SYNE1: variants seen among roughly 807,000 people sequenced by gnomAD.
SYNE1 encodes the protein nesprin-1.
SYNE1 carries 616 observed loss-of-function variants against 1,111.0 expected under a neutral mutation model. That is an observed-to-expected ratio of 0.55 (90% confidence interval 0.52 to 0.59). The LOEUF (loss-of-function observed/expected upper bound fraction) is 0.59, where lower values mean the gene tolerates loss of function less well. Ranked by LOEUF, SYNE1 falls within the 20% of genes least tolerant of loss-of-function variation. The pLI, the probability that SYNE1 is intolerant of heterozygous loss-of-function variation, is 0.00. For synonymous variants in SYNE1, 3,855 were observed against 3,825.8 expected (o/e 1.01, Z -0.28); for missense variants, 10,006 against 10,417.0 (o/e 0.96, Z 1.72).
At chr6:152,380,666 ACT>A (rs892960028) in intron 56 of SYNE1, 3 of 325,030 alleles carry the variant, frequency 9.2e-6, no homozygotes, top group East Asian at 8.3e-5. Flanking sequence ...AACAGCTATG[ACT>A]CTCTGTCTAT....
At chr6:152,246,169 C>G (rs2153577916) in intron 105 of SYNE1, among the ~76,000 whole-genome samples, 1 of 152,190 alleles carries the variant, frequency 6.6e-6, no homozygotes, top group African/African-American at 2.4e-5. Context: ...CATGTTCCAT[C>G]CACACACAGA....
In SYNE1 at chr6:152,419,679, C is replaced by G; in HGVS notation, c.5311G>C (p.Asp1771His). The G allele has an allele frequency of 6.2e-7, 1 of 1,614,018 alleles. No homozygotes were observed. The highest frequency in any genetic ancestry group is 8.5e-7 in the Non-Finnish European group (1 of 1,179,968). Residue 1771 changes from aspartate to histidine, a missense_variant, in exon 40 of 146, where the codon GAT (aspartate) becomes CAT (histidine). Coordinates refer to ENST00000367255, the MANE Select transcript of SYNE1 (RefSeq NM_182961.4). ...QSVVAEHQQFDELLLSFSVWI... is the reference protein window; with the variant it reads ...QSVVAEHQQFHELLLSFSVWI... ...ACAGAAAAGGAAAGCAGCAGCTCAT[C>G]AAATTGCTGGTGTTCAGCAACCACA...
chr6:152,130,520 A>G (rs1335618661), intron 145 of SYNE1, among the ~76,000 whole-genome samples, 200 bp downstream of exon 145: 1 of 152,218 alleles, frequency 6.6e-6, no homozygotes, highest in Non-Finnish European at 1.5e-5. Context: ...ACGGAGTCCA[A>G]ATATTTTATG....
rs150097523 is a variant in SYNE1 at position 152,208,261 on chromosome 6, C to T, written c.22590-55G>A. 2,485 of 1,502,088 alleles carry T rather than the reference C, an allele frequency of 1.7e-3. 19 individuals are homozygous for T. The East Asian group carries it at 0.018, about 11-fold the overall frequency. 93.0% of individuals were successfully genotyped at this position (1,502,088 alleles called of 1,614,324 possible). ...AGCACTGTTATCTTGGATGCAGTTACGCAATCAGCCAATGTATACACTGTC... is the reference window on the plus strand; with the variant it reads ...AGCACTGTTATCTTGGATGCAGTTATGCAATCAGCCAATGTATACACTGTC... On this transcript the variant is annotated intron_variant, in intron 124 of 145. Coordinates refer to ENST00000367255, the MANE Select transcript of SYNE1 (RefSeq NM_182961.4).
At chr6:152,407,344 C>T in intron 44 of SYNE1, 148 bp from the exon 45 acceptor site, 1 of 761,430 alleles carries the variant, frequency 1.3e-6, no homozygotes. Context: ...AATAAGTGCA[C>T]CCAACTCACG....
chr6:152,597,542 C>T (rs1055182301), intron 3 of SYNE1, among the ~76,000 whole-genome samples: 4 of 152,122 alleles, frequency 2.6e-5, no homozygotes, highest in African/African-American at 9.7e-5. Flanking sequence ...ATGCCTTGGC[C>T]TCCTATAGTT....
intron 72 of SYNE1, 110 bp downstream of exon 72, chr6:152,350,058 A>C: frequency 3.7e-6 from 5 of 1,360,054 alleles, no homozygotes; most frequent in Non-Finnish European, 4.2e-6. Flanking sequence ...ATTATAAACC[A>C]GAGATGCACC....
At chr6:152,317,999 G>A in intron 86 of SYNE1, 82 bp downstream of exon 86, 1 of 1,546,408 alleles carries the variant, frequency 6.5e-7, no homozygotes, top group South Asian at 1.1e-5. Flanking sequence ...TTTTATTTAT[G>A]TTAATTTATT....
At chr6:152,497,361 A>G (rs2099005213) in intron 11 of SYNE1, among the ~76,000 whole-genome samples, 1 of 152,218 alleles carries the variant, frequency 6.6e-6, no homozygotes, top group Admixed American at 6.5e-5. Context: ...GGTGAATATA[A>G]TTAAGGTACA....
chr6:152,200,602 C>T (rs1298195559), intron 127 of SYNE1, among the ~76,000 whole-genome samples: 2 of 152,088 alleles, frequency 1.3e-5, no homozygotes, highest in East Asian at 3.9e-4. Context: ...TGCCATATTG[C>T]CCAGGCTGAT....
chr6:152,488,033 C>T (rs2098950469), intron 12 of SYNE1, among the ~76,000 whole-genome samples: 1 of 146,246 alleles, frequency 6.8e-6, no homozygotes, highest in African/African-American at 2.7e-5. Context: ...CAAGATCACG[C>T]CATTGCACTC....
chr6:152,129,121 T>G (rs1365569975), intron 145 of SYNE1: 1 of 152,274 alleles, frequency 6.6e-6, no homozygotes, highest in Non-Finnish European at 1.5e-5. Context: ...AAAGCCCTGT[T>G]AGGAGGCATG....
At chr6:152,582,718 C>T (rs2099524681) in intron 3 of SYNE1, among the ~76,000 whole-genome samples, 1 of 152,024 alleles carries the variant, frequency 6.6e-6, no homozygotes, top group African/African-American at 2.4e-5. Context: ...AGTTATTTTT[C>T]AATCATCAGC....
Position 152,391,308 on chromosome 6 carries a change from T to C in SYNE1, c.7973A>G (p.Asp2658Gly). Residue 2658 changes from aspartate (D) to glycine (G), a missense_variant, in exon 52 of 146, where the codon GAC becomes GGC. Around this residue, in one of 7 missense-constraint regions of SYNE1, gnomAD observed 4,955 missense variants for 5,017.2 expected, o/e 0.99. Coordinates refer to ENST00000367255, the MANE Select transcript of SYNE1 (RefSeq NM_182961.4). ...TTGTGACAGCCGTTTCTCCAGGGTG[T>C]CTTTGCTCCCAAGAGTGCTCTCTGC... ...ACAESTLGSK[D>G]TLEKRLSQIQ... 1 of 1,614,072 alleles carries C rather than the reference T, an allele frequency of 6.2e-7. No homozygotes were observed. Among genetic ancestry groups the C allele is most frequent in the Non-Finnish European group, 8.5e-7 (1 of 1,180,000 alleles).
At position 152,331,836 on chromosome 6, in the gene SYNE1, C is replaced by A. The variant is rs2096253621; in HGVS notation, c.12849G>T (p.Leu4283Phe). 5 of 1,613,946 alleles carry A rather than the reference C, an allele frequency of 3.1e-6. No homozygotes were observed. Among genetic ancestry groups the A allele is most frequent in the Non-Finnish European group, 4.2e-6 (5 of 1,180,032 alleles). ...VHLEALKKLA[L>F]ALQERKYAIE... ...TAGCATACTTTCTCTCCTGCAATGC[C>A]AATGCTAACTTTTTCAAAGCTTCCA... Residue 4283 changes from leucine (L) to phenylalanine (F), a missense_variant, in exon 78 of 146, where the codon TTG becomes TTT. By Grantham distance (22) the Leu-to-Phe change is conservative. Around this residue, in one of 7 missense-constraint regions of SYNE1, gnomAD observed 4,955 missense variants for 5,017.2 expected, o/e 0.99. Transcript: ENST00000367255.
chr6:152,599,266 C>T (rs142475898), intron 3 of SYNE1, among the ~76,000 whole-genome samples: 103 of 152,262 alleles, frequency 6.8e-4, no homozygotes, highest in African/African-American at 2.3e-3. Flanking sequence ...CTGCAGGCTG[C>T]TCTAGTAAGT....
intron 106 of SYNE1, among the ~76,000 whole-genome samples, chr6:152,243,960 C>G (rs758450920): frequency 6.6e-6 from 1 of 152,182 alleles, no homozygotes; most frequent in African/African-American, 2.4e-5. Context: ...TAACCCAAAG[C>G]ATTATTCTCT....
chr6:152,267,153 A>C (rs1236374549), intron 100 of SYNE1, among the ~76,000 whole-genome samples: 1 of 152,178 alleles, frequency 6.6e-6, no homozygotes, highest in African/African-American at 2.4e-5. Flanking sequence ...TAATATTTCC[A>C]AAACCACCTT....
At chr6:152,332,855 A>C (rs1019132193) in intron 77 of SYNE1, among the ~76,000 whole-genome samples, 1 of 152,236 alleles carries the variant, frequency 6.6e-6, no homozygotes, top group Non-Finnish European at 1.5e-5. Flanking sequence ...TCAGTTCTGA[A>C]GTATGAAAAG....
Sources: gnomAD v4.1 joint callset for allele counts (sites outside exome capture counted in the v4.1 genomes callset) on GRCh38, gnomAD v4.1.1 for gene constraint, gnomAD v4.1.1 regional missense constraint, MANE v1.5 for transcripts, NCBI Gene and HGNC (gene_info 2026-07-23, HGNC 2026-07-21) for gene names.